Variants in ZNF454 observed in about 807,000 individuals in gnomAD.
ZNF454 encodes the protein zinc finger protein 454.
In ZNF454, 30 loss-of-function variants were observed where a neutral mutation model predicts 48.2. The ratio of observed to expected loss-of-function variants is 0.62; its 90% CI spans 0.47 to 0.84. The LOEUF (loss-of-function observed/expected upper bound fraction) is 0.84. Among genes scored for constraint, ZNF454 ranks in the 40% least tolerant of loss-of-function variants. The pLI is 0.00. For synonymous variants in ZNF454, 204 were observed against 211.4 expected (o/e 0.97, Z 0.30); for missense variants, 510 against 623.1 (o/e 0.82, Z 1.93).
chr5:178,949,827 G>C (rs1015019280), intron 4 of ZNF454, among the ~76,000 whole-genome samples: 2 of 152,028 alleles, frequency 1.3e-5, no homozygotes, highest in Admixed American at 1.3e-4. Context: ...ATGTTGGCCA[G>C]GATGGTCTTG....
chr5:178,942,817 T>C lies in ZNF454; in HGVS notation c.26T>C (p.Met9Thr). 6.2e-7 allele frequency: 1 copy of C among 1,613,264 alleles called. No homozygotes were observed. The highest frequency in any genetic ancestry group is 1.1e-5 in the South Asian group (1 of 90,912). ...ATGGCTGTCAGCCACCTGCCAACCA[T>C]GGTCCAGGTGAGTGGGGGTTTCTTC... The part of the protein sequence containing the change: MAVSHLPT[M>T]VQESVTFKDV... Residue 9 changes from methionine to threonine, a missense_variant, in exon 2 of 5, where the codon ATG (methionine) becomes ACG (threonine). This residue lies in a region of ZNF454 where 354 missense variants were observed against 408.9 expected (regional missense o/e 0.87). Transcript: ENST00000519564.
chr5:178,986,429 G>T, the ZNF454 span: 6 of 1,613,410 alleles, frequency 3.7e-6, no homozygotes, highest in South Asian at 2.2e-5. Context: ...TTGTTGTACC[G>T]CACGAAGGTG....
At chr5:178,982,762 A>G in the ZNF454 span, 3 of 655,086 alleles carry the variant, frequency 4.6e-6, no homozygotes, top group Non-Finnish European at 8.4e-6. Flanking sequence ...AAGTGAATGA[A>G]TGAACAAAGT....
chr5:178,983,041 C>T, the ZNF454 span: 19 of 1,614,042 alleles, frequency 1.2e-5, no homozygotes, highest in East Asian at 2.2e-5. Flanking sequence ...GCCTTGATGG[C>T]GTACACTGTG....
chr5:178,986,352 G>C, the ZNF454 span: 3 of 1,614,138 alleles, frequency 1.9e-6, no homozygotes, highest in Non-Finnish European at 2.5e-6. Context: ...TGATGGCGTA[G>C]ATGAGGAAGA....
the ZNF454 span, among the ~76,000 whole-genome samples, chr5:178,984,289 AGCACGCCTC>A: frequency 0.52 from 78,636 of 151,612 alleles, 22,533 homozygotes; most frequent in Non-Finnish European, 0.64. Context: ...GGAGCGAGCG[AGCACGCCTC>A]ACTCGGAACG....
At chr5:178,982,805 G>A in the ZNF454 span, 2 of 805,140 alleles carry the variant, frequency 2.5e-6, no homozygotes, top group East Asian at 2.6e-5. Flanking sequence ...CAAGCAGCCA[G>A]ATACGGGATA....
the ZNF454 span, among the ~76,000 whole-genome samples, chr5:178,976,825 A>C: frequency 3.9e-5 from 6 of 152,194 alleles, no homozygotes; most frequent in Non-Finnish European, 5.9e-5. Flanking sequence ...TACCTGTCTT[A>C]CCTGTCTGCA....
the ZNF454 span, chr5:178,978,214 A>G: frequency 6.6e-6 from 1 of 152,262 alleles, no homozygotes; most frequent in African/African-American, 2.4e-5. Flanking sequence ...AAGCAGTTTC[A>G]TTCTATAAAA....
chr5:178,986,270 T>C, the ZNF454 span: 23 of 1,613,990 alleles, frequency 1.4e-5, no homozygotes, highest in South Asian at 3.3e-5. Flanking sequence ...TAGCTGAGGG[T>C]CGTGCCCAGG....
downstream of ZNF454, among the ~76,000 whole-genome samples, chr5:178,967,129 A>G (rs554035753): frequency 7.2e-5 from 11 of 152,298 alleles, no homozygotes; most frequent in African/African-American, 2.6e-4. Flanking sequence ...TGGCACCTGA[A>G]GGAGGGGCTT....
intron 4 of ZNF454, among the ~76,000 whole-genome samples, chr5:178,951,703 T>C (rs1759563455): frequency 6.6e-6 from 1 of 152,214 alleles, no homozygotes; most frequent in Non-Finnish European, 1.5e-5. Flanking sequence ...TCCAGACTTT[T>C]TACTATTATG....
chr5:178,968,946 T>C, downstream of ZNF454: 1 of 448,002 alleles, frequency 2.2e-6, no homozygotes, highest in Non-Finnish European at 4.5e-6. Flanking sequence ...GAGAAGACAG[T>C]GCACTCTCCC....
At chr5:178,955,032 T>C (rs1273522154) in intron 4 of ZNF454, among the ~76,000 whole-genome samples, 1 of 152,250 alleles carries the variant, frequency 6.6e-6, no homozygotes, top group East Asian at 1.9e-4. Flanking sequence ...TTGTGGATAG[T>C]TTACATGTTT....
intron 4 of ZNF454, among the ~76,000 whole-genome samples, chr5:178,959,018 G>GTC (rs1263695768): frequency 1.2e-4 from 3 of 25,492 alleles, no homozygotes; most frequent in Non-Finnish European, 4.1e-4. Context: ...TTCATCAGAG[G>GTC]TCTTTTTTTT....
At chr5:178,956,060 C>T (rs1414437039) in intron 4 of ZNF454, among the ~76,000 whole-genome samples, 1 of 152,154 alleles carries the variant, frequency 6.6e-6, no homozygotes, top group Non-Finnish European at 1.5e-5. Context: ...TTGTCATTTA[C>T]CTCAAAACAG....
intron 4 of ZNF454, among the ~76,000 whole-genome samples, chr5:178,950,304 GTGC>G (rs1759500755): frequency 6.6e-6 from 1 of 152,194 alleles, no homozygotes; most frequent in Admixed American, 6.5e-5. Context: ...GATCAGCACC[GTGC>G]TGAGAGATTT....
chr5:178,972,511 G>A, the ZNF454 span, among the ~76,000 whole-genome samples: 3 of 152,160 alleles, frequency 2.0e-5, no homozygotes, highest in African/African-American at 4.8e-5. Flanking sequence ...GGGGCCACGT[G>A]CTCACCTGGA....
In ZNF454 at chr5:178,946,216, A is replaced by G; in HGVS notation, c.34-143A>G. On this transcript the variant is annotated intron_variant, in intron 2 of 4. Transcript: ENST00000519564. This position sits in a 1 kb window ranked among gnomAD's most constrained non-coding sequence, Gnocchi z 4.5. ...GGCCCCTAGGAGACCCTGAAGAGTGATGAACTTGTCACAGAACGCCAGCTC... is the reference window on the plus strand; with the variant it reads ...GGCCCCTAGGAGACCCTGAAGAGTGGTGAACTTGTCACAGAACGCCAGCTC... 5 of 1,072,712 alleles carry G rather than the reference A, an allele frequency of 4.7e-6. No individual in the cohort carries two copies. The highest frequency in any genetic ancestry group is 2.1e-4 in the Middle Eastern group (1 of 4,696). 66.4% of individuals were successfully genotyped at this position (1,072,712 alleles called of 1,614,324 possible).
Sources: allele counts gnomAD v4.1 joint callset (sites outside exome capture counted in the v4.1 genomes callset), GRCh38; gene constraint gnomAD v4.1.1; regional missense constraint gnomAD v4.1.1; non-coding constraint Gnocchi (gnomAD v3.1); transcripts MANE v1.5; gene names NCBI Gene and HGNC (gene_info 2026-07-23, HGNC 2026-07-21).